Variants in RIMS2 observed in about 807,000 individuals in gnomAD.
RIMS2 encodes regulating synaptic membrane exocytosis 2.
In RIMS2, 59 loss-of-function variants were observed where a neutral mutation model predicts 174.4. That is an observed-to-expected ratio of 0.34 (90% confidence interval 0.27 to 0.42). The LOEUF is 0.42. Among genes scored for constraint, RIMS2 ranks in the 10% least tolerant of loss-of-function variants. The pLI is 1.00. For missense variants in RIMS2, 1,620 were observed against 1,666.3 expected, an observed-to-expected ratio of 0.97 and a Z score of 0.48; for synonymous variants, 606 against 572.5, an observed-to-expected ratio of 1.06 and a Z score of -0.84.
intron 19 of RIMS2, among the ~76,000 whole-genome samples, chr8:104,100,965 AT>A (rs1360309303): frequency 7.2e-6 from 1 of 138,226 alleles, no homozygotes; most frequent in Non-Finnish European, 1.5e-5. Flanking sequence ...ATGATATATT[AT>A]ATAGTATATA....
chr8:103,532,259 G>A (rs1466338204), intron 1 of RIMS2, among the ~76,000 whole-genome samples: 1 of 152,190 alleles, frequency 6.6e-6, no homozygotes, highest in Non-Finnish European at 1.5e-5. Flanking sequence ...GTGGTCCCAG[G>A]AGGGAAGGAA....
intron 1 of RIMS2, chr8:103,652,644 T>C: frequency 7.4e-7 from 1 of 1,350,150 alleles, no homozygotes; most frequent in Non-Finnish European, 9.8e-7. Flanking sequence ...TTTAGTGGAA[T>C]CACTGAACTG....
intron 19 of RIMS2, among the ~76,000 whole-genome samples, chr8:104,216,083 A>G (rs1415428906): frequency 6.6e-6 from 1 of 152,194 alleles, no homozygotes; most frequent in Non-Finnish European, 1.5e-5. Flanking sequence ...TATATTTCCT[A>G]TCTTGTCTGG....
At position 103,652,715 on chromosome 8, in the gene RIMS2, G is replaced by A; in HGVS notation, c.177-44371G>A. 1 of 1,337,858 alleles carries A rather than the reference G, an allele frequency of 7.5e-7. No individual in the cohort carries two copies. The highest frequency in any genetic ancestry group is 1.2e-5 in the South Asian group (1 of 86,952). The allele number at this position is 1,337,858 out of a possible 1,614,324, so 82.9% of individuals were successfully genotyped here. A position where few individuals can be genotyped will look rare whatever the true frequency, so the allele number is the denominator to read the frequency against. On this transcript the variant is annotated intron_variant, in intron 1 of 23. Transcript: ENST00000504942. ...AAATGAAAAGGAGCCCCAGACGTAAGTAAGCTGATCTATATAGACTAAATA... is the reference window on the plus strand; with the variant it reads ...AAATGAAAAGGAGCCCCAGACGTAAATAAGCTGATCTATATAGACTAAATA...
chr8:104,108,280 C>G (rs1295539838), intron 19 of RIMS2, among the ~76,000 whole-genome samples: 2 of 151,938 alleles, frequency 1.3e-5, no homozygotes, highest in Non-Finnish European at 2.9e-5. Context: ...ATCATCCAGG[C>G]TGTATCATAT....
At chr8:103,819,702 GT>G in intron 3 of RIMS2, 1 of 1,226,010 alleles carries the variant, frequency 8.2e-7, no homozygotes, top group Non-Finnish European at 1.2e-6. Context: ...AGTAAAAATT[GT>G]TTTGTATTGA....
At chr8:104,187,484 T>G (rs988037369) in intron 19 of RIMS2, among the ~76,000 whole-genome samples, 4 of 151,838 alleles carry the variant, frequency 2.6e-5, no homozygotes, top group Non-Finnish European at 5.9e-5. Context: ...CTGACACATT[T>G]CAAAGCTGAC....
At chr8:103,792,036 T>C (rs200987514) in intron 3 of RIMS2, among the ~76,000 whole-genome samples, 1 of 151,944 alleles carries the variant, frequency 6.6e-6, no homozygotes, top group Non-Finnish European at 1.5e-5. Flanking sequence ...AACAAGGATA[T>C]CCAGGAATTG....
At chr8:103,856,308 A>G (rs1251417969) in intron 3 of RIMS2, among the ~76,000 whole-genome samples, 1 of 152,146 alleles carries the variant, frequency 6.6e-6, no homozygotes, top group African/African-American at 2.4e-5. Context: ...TGTTACACAT[A>G]AGCTGGGTCT....
chr8:103,777,307 C>T (rs868861152), intron 3 of RIMS2, among the ~76,000 whole-genome samples: 5 of 152,042 alleles, frequency 3.3e-5, no homozygotes, highest in South Asian at 2.1e-4. Context: ...AACAGAGTTA[C>T]GGACTCAAAT....
intron 3 of RIMS2, among the ~76,000 whole-genome samples, chr8:103,781,527 C>G (rs1207319495): frequency 6.6e-6 from 1 of 152,074 alleles, no homozygotes. Context: ...AGTATTGTTG[C>G]TATAGAGATG....
At chr8:104,079,808 T>C (rs1481074745) in intron 19 of RIMS2, among the ~76,000 whole-genome samples, 1 of 151,544 alleles carries the variant, frequency 6.6e-6, no homozygotes. Context: ...ATATTATTCA[T>C]CTTTGTAGTC....
chr8:103,875,496 T>C (rs2099131926), intron 3 of RIMS2, among the ~76,000 whole-genome samples: 1 of 152,126 alleles, frequency 6.6e-6, no homozygotes. Flanking sequence ...CCACATTTTC[T>C]TTATCCACTC....
intron 8 of RIMS2, among the ~76,000 whole-genome samples, chr8:103,917,197 G>A (rs2076775010): frequency 6.6e-6 from 1 of 152,140 alleles, no homozygotes; most frequent in African/African-American, 2.4e-5. Context: ...TACTGTTAGT[G>A]AATTATTACA....
chr8:104,084,451 A>AAAAC (rs1254557953), intron 19 of RIMS2, among the ~76,000 whole-genome samples: 3 of 151,544 alleles, frequency 2.0e-5, no homozygotes, highest in African/African-American at 7.3e-5. Flanking sequence ...AAAAAAAAAA[A>AAAAC]AAAAACTAAA....
intron 4 of RIMS2, among the ~76,000 whole-genome samples, chr8:103,906,580 TG>T (rs1186964562): frequency 1.3e-5 from 2 of 152,192 alleles, no homozygotes; most frequent in African/African-American, 4.8e-5. Context: ...CAGATGTTTT[TG>T]CTTTAGTTTC....
At chr8:104,159,346 T>G (rs185766093) in intron 19 of RIMS2, among the ~76,000 whole-genome samples, 3 of 152,314 alleles carry the variant, frequency 2.0e-5, no homozygotes, top group Non-Finnish European at 2.9e-5. Flanking sequence ...TCCAGCTTTG[T>G]TCTTTTTGCT....
At chr8:104,184,776 G>A (rs570281019) in intron 19 of RIMS2, among the ~76,000 whole-genome samples, 6 of 151,626 alleles carry the variant, frequency 4.0e-5, no homozygotes, top group African/African-American at 1.4e-4. Context: ...TCAAAGATTT[G>A]TAAATCAAAG....
At chr8:103,850,208 A>G (rs2098990034) in intron 3 of RIMS2, among the ~76,000 whole-genome samples, 1 of 152,194 alleles carries the variant, frequency 6.6e-6, no homozygotes, top group African/African-American at 2.4e-5. Context: ...AAATATAGTC[A>G]TTCAATTACA....
Sources: gnomAD v4.1 joint callset for allele counts (sites outside exome capture counted in the v4.1 genomes callset) on GRCh38, gnomAD v4.1.1 for gene constraint, MANE v1.5 for transcripts, NCBI Gene and HGNC (gene_info 2026-07-23, HGNC 2026-07-21) for gene names.